Variants in GPR85 observed in about 807,000 individuals in gnomAD.
The protein encoded by GPR85 is probable G protein-coupled receptor 85.
GPR85 carries 7 observed loss-of-function variants against 21.3 expected under a neutral mutation model. The ratio of observed to expected loss-of-function variants is 0.33; its 90% CI spans 0.19 to 0.62. The LOEUF is 0.62. Ranked by LOEUF, GPR85 falls within the 20% of genes least tolerant of loss-of-function variation. The pLI, the probability that GPR85 is intolerant of heterozygous loss-of-function variation, is 0.80. For synonymous variants in GPR85, 167 were observed against 166.1 expected (o/e 1.01, Z -0.04); for missense variants, 299 against 443.8 (o/e 0.67, Z 2.93).
At position 113,084,554 on chromosome 7, in the gene GPR85, G is replaced by T; in HGVS notation, c.168C>A (p.Tyr56Ter). Residue 56 changes from tyrosine (Y) to a stop codon, truncating the protein, a stop_gained, in exon 3 of 3, where the codon TAC (tyrosine) becomes TAA (stop). Coordinates refer to ENST00000424100, the MANE Select transcript of GPR85 (RefSeq NM_001146267.2). LOFTEE classifies it high-confidence loss of function. ...AACAGCAAAGATCCAACAGGAAGTA[G>T]TAAGGTGCTCTATGCAAGGTCTTAT... ...VKDKTLHRAP[Y>*]YFLLDLCCSD... is the part of the protein sequence containing the mutation. 1 of 1,613,208 alleles carries T rather than the reference G, an allele frequency of 6.2e-7. No individual in the cohort carries two copies. The highest frequency in any genetic ancestry group is 8.5e-7 in the Non-Finnish European group (1 of 1,179,154).
rs1194790245 is a variant in GPR85 at position 113,084,865 on chromosome 7, C to T, written c.-144G>A. 22 of 388,046 alleles carry T rather than the reference C, an allele frequency of 5.7e-5. No individual in the cohort carries two copies. Among genetic ancestry groups the T allele is most frequent in the Admixed American group, 9.2e-5 (2 of 21,810 alleles). The allele number at this position is 388,046 out of a possible 1,614,324, so 24.0% of individuals were successfully genotyped here. ...GATCTGCAGTCATGCTTCCTCTTTT[C>T]TTCCACTTGTTTTGCCATCAGAATA... On this transcript the variant is annotated 5_prime_UTR_variant, in exon 3 of 3. Coordinates refer to ENST00000424100, the MANE Select transcript of GPR85 (RefSeq NM_001146267.2).
At position 113,083,720 on chromosome 7, in the gene GPR85, G is replaced by T; in HGVS notation, c.1002C>A (p.Ile334=). ...TTGAGAAAATGCAGACAAAAGGATT[G>T]ATTCCTGCTTGGGCAAAACTCATCC... ...AVWMSFAQAG[I]NPFVCIFSNR... is the part of the protein sequence containing the mutation. Residue 334 remains isoleucine, a synonymous_variant, in exon 3 of 3, where the codon ATC becomes ATA. Coordinates refer to ENST00000424100, the MANE Select transcript of GPR85 (RefSeq NM_001146267.2). The surrounding 1 kb of genome is among the most constrained non-coding windows in gnomAD (Gnocchi z 4.4). 1 of 1,614,188 alleles carries T rather than the reference G, an allele frequency of 6.2e-7. No individual in the cohort carries two copies. The highest frequency in any genetic ancestry group is 1.1e-5 in the South Asian group (1 of 91,080).
At position 113,082,607 on chromosome 7, in the gene GPR85, G is replaced by A. The variant is rs1794167074; in HGVS notation, c.*1002C>T. On this transcript the variant is annotated 3_prime_UTR_variant, in exon 3 of 3. Transcript: ENST00000424100. ...TTAGAAAGGGTAGCACACCGTAGAA[G>A]AAAATCTCATTATTTCAGTGATGTG... 6.6e-6 allele frequency: 1 copy of A among 152,418 alleles called. No homozygotes were observed. The highest frequency in any genetic ancestry group is 1.9e-4 in the East Asian group (1 of 5,188). The allele number at this position is 152,418 out of a possible 1,614,324, so 9.4% of individuals were successfully genotyped here.
chr7:113,084,597 G>C lies in GPR85; in HGVS notation c.125C>G (p.Ser42Cys). 3 of 1,613,894 alleles carry C rather than the reference G, an allele frequency of 1.9e-6. No homozygotes were observed. The highest frequency in any genetic ancestry group is 2.5e-6 in the Non-Finnish European group (3 of 1,179,800). ...GGTCTTATCTTTCACTAGCAAAATG[G>C]AGATCAGGAGGTTGCCCACCACGCT... Reference protein sequence around the residue: ...GVSVVGNLLISILLVKDKTLH... With the variant: ...GVSVVGNLLICILLVKDKTLH... The change falls in exon 3 of 3, where the codon TCC becomes TGC. Residue 42 changes from serine to cysteine, a missense_variant. By Grantham distance (112) the Ser-to-Cys change is moderately radical. Coordinates refer to ENST00000424100, the MANE Select transcript of GPR85 (RefSeq NM_001146267.2).
rs1392564454 is a variant in GPR85 at position 113,082,741 on chromosome 7, T to A, written c.*868A>T. ...AGTTACTGATTTGATTTCCCTTGGC[T>A]ATTTGCTCCAGTGCTAAATAAGATG... On this transcript the variant is annotated 3_prime_UTR_variant, in exon 3 of 3. Transcript: ENST00000424100. 6.6e-6 allele frequency: 1 copy of A among 152,402 alleles called. No homozygotes were observed. The highest frequency in any genetic ancestry group is 2.4e-5 in the African/African-American group (1 of 41,364). 9.4% of individuals were successfully genotyped at this position (152,402 alleles called of 1,614,324 possible).
Position 113,084,102 on chromosome 7 carries a change from A to G in GPR85, c.620T>C (p.Phe207Ser). 6.2e-7 allele frequency: 1 copy of G among 1,614,188 alleles called. No individual in the cohort carries two copies. Reference protein sequence around the residue: ...ATQLVYLKLIFFVHDRRKMKP... With the variant: ...ATQLVYLKLISFVHDRRKMKP... ...CATTTTTCTTCGATCGTGGACGAAA[A>G]ATATCAGCTTGAGGTAGACAAGCTG... The change falls in exon 3 of 3, where the codon TTT becomes TCT. Residue 207 changes from phenylalanine to serine, a missense_variant. Around this residue, in one of 2 missense-constraint regions of GPR85, gnomAD observed 198 missense variants for 335.4 expected, o/e 0.59. Coordinates refer to ENST00000424100, the MANE Select transcript of GPR85 (RefSeq NM_001146267.2).
At position 113,084,907 on chromosome 7, in the gene GPR85, A is replaced by AC. The variant is rs1479634399; in HGVS notation, c.-170-17_-170-16insG. ...ATCAGAATATCTGAAAAAAAAAAAA[A>AC]AAAAAACCTATCAGTTCTTAAGTTA... is the stretch of plus-strand genomic sequence containing the variant. On this transcript the variant is annotated splice_polypyrimidine_tract_variant and intron_variant, in intron 2 of 2. Coordinates refer to ENST00000424100, the MANE Select transcript of GPR85 (RefSeq NM_001146267.2). The AC allele has an allele frequency of 9.8e-5, 53 of 539,412 alleles. No homozygotes were observed. In the Admixed American group the frequency reaches 1.0e-3, roughly 10 times the overall value. The allele number at this position is 539,412 out of a possible 1,614,324, so 33.4% of individuals were successfully genotyped here.
chr7:113,085,455 T>C (rs1366883165), intron 2 of GPR85, among the ~76,000 whole-genome samples: 1 of 152,240 alleles, frequency 6.6e-6, no homozygotes, highest in Non-Finnish European at 1.5e-5. Context: ...TGTGATTTAA[T>C]CATTTGTCTT....
chr7:113,083,861 G>C lies in GPR85; in HGVS notation c.861C>G (p.Phe287Leu). 1 of 1,614,168 alleles carries C rather than the reference G, an allele frequency of 6.2e-7. No homozygotes were observed. Residue 287 changes from phenylalanine (F) to leucine (L), a missense_variant, in exon 3 of 3, where the codon TTC becomes TTG. Physicochemically the swap from Phe to Leu is conservative, Grantham distance 22. Transcript: ENST00000424100. The surrounding 1 kb of genome is among the most constrained non-coding windows in gnomAD (Gnocchi z 4.4). ...FKMEKRISRM[F>L]YIMTFLFLTL... ...TTAGAAACAGAAAAGTCATTATATA[G>C]AACATTCTGCTGATTCTTTTCTCCA...
At position 113,085,994 on chromosome 7, in the gene GPR85, G is replaced by C. The variant is rs1353811677; in HGVS notation, c.-173C>G. The C allele has an allele frequency of 3.9e-5, 6 of 152,620 alleles. No individual in the cohort carries two copies. Among genetic ancestry groups the C allele is most frequent in the Admixed American group, 6.5e-5 (1 of 15,272 alleles). The allele number at this position is 152,620 out of a possible 1,614,324, so 9.5% of individuals were successfully genotyped here. A position where few individuals can be genotyped will look rare whatever the true frequency, so the allele number is the denominator to read the frequency against. On this transcript the variant is annotated splice_region_variant and 5_prime_UTR_variant, in exon 2 of 3. Coordinates refer to ENST00000424100, the MANE Select transcript of GPR85 (RefSeq NM_001146267.2). ...GGAGAGAGACATGCATTACATACGC[G>C]AAGATGGGGAGAGAGATTGCTTCTG...
rs1794209301 is a variant in GPR85 at position 113,084,147 on chromosome 7, G to A, written c.575C>T (p.Ala192Val). The change falls in exon 3 of 3, where the codon GCT (alanine) becomes GTT (valine). Residue 192 changes from alanine (A) to valine (V), a missense_variant. Around this residue, in one of 2 missense-constraint regions of GPR85, gnomAD observed 198 missense variants for 335.4 expected, o/e 0.59. Coordinates refer to ENST00000424100, the MANE Select transcript of GPR85 (RefSeq NM_001146267.2). ...NDSLGFMLLL[A>V]LILLATQLVY... Reference sequence around the variant, plus strand: ...AAGCTGTGTGGCTAGGAGGATGAGAGCAAGAAGCAGCATAAATCCTAAGGA... The same window carrying A: ...AAGCTGTGTGGCTAGGAGGATGAGAACAAGAAGCAGCATAAATCCTAAGGA... 1 of 1,614,114 alleles carries A rather than the reference G, an allele frequency of 6.2e-7. No homozygotes were observed. The highest frequency in any genetic ancestry group is 2.2e-5 in the East Asian group (1 of 44,876).
At chr7:113,087,220 A>G (rs1184023946), upstream of GPR85, among the ~76,000 whole-genome samples, 1 of 152,102 alleles carries the variant, frequency 6.6e-6, no homozygotes, top group African/African-American at 2.4e-5. Context: ...CATTCAGTCT[A>G]CCTTAAAGGA....
At position 113,086,431 on chromosome 7, in the gene GPR85, T is replaced by TTTTTTTTTTTTTTTTTTTTTTTTTTTTTG. The variant is rs1414402156; in HGVS notation, c.-399_-398insCAAAAAAAAAAAAAAAAAAAAAAAAAAAA. 2 of 108,236 alleles carry TTTTTTTTTTTTTTTTTTTTTTTTTTTTTG rather than the reference T, an allele frequency of 1.8e-5. No individual in the cohort carries two copies. Among genetic ancestry groups the TTTTTTTTTTTTTTTTTTTTTTTTTTTTTG allele is most frequent in the African/African-American group, 3.6e-5 (1 of 27,648 alleles). 6.7% of individuals were successfully genotyped at this position (108,236 alleles called of 1,614,324 possible). On this transcript the variant is annotated 5_prime_UTR_variant, in exon 1 of 3. An upstream open reading frame in the 5' UTR loses its in-frame stop. Transcript: ENST00000424100. The stretch of plus-strand genomic sequence containing the variant: ...TTTTTTTTTTTGTTTTTTGTTTTTT[T>TTTTTTTTTTTTTTTTTTTTTTTTTTTTTG]TTTTTTTTTTTTTGCCTTAGTGCCT...
At position 113,086,396 on chromosome 7, in the gene GPR85, C is replaced by CTTTTTTTTTTTTTTTTTTGTTTTTTTTTT. The variant is rs1794283693; in HGVS notation, c.-364_-363insAAAAAAAAAACAAAAAAAAAAAAAAAAAA. Reference sequence around the variant, plus strand: ...CTGATTTTTTTCTTTTTTTCTTTTTCTTTTTTTTTTTTTTTTTTTTGTTTT... The same window carrying CTTTTTTTTTTTTTTTTTTGTTTTTTTTTT: ...CTGATTTTTTTCTTTTTTTCTTTTTCTTTTTTTTTTTTTTTTTTGTTTTTTTTTTTTTTTTTTTTTTTTTTTTTTGTTTT... On this transcript the variant is annotated 5_prime_UTR_variant, in exon 1 of 3. The change abolishes the stop of an existing upstream ORF in the 5' untranslated region. Transcript: ENST00000424100. 8.3e-5 allele frequency: 4 copies of CTTTTTTTTTTTTTTTTTTGTTTTTTTTTT among 48,070 alleles called. No homozygotes were observed. Among genetic ancestry groups the CTTTTTTTTTTTTTTTTTTGTTTTTTTTTT allele is most frequent in the Non-Finnish European group, 1.1e-4 (3 of 28,128 alleles). 3.0% of individuals were successfully genotyped at this position (48,070 alleles called of 1,614,324 possible).
chr7:113,084,506 A>G lies in GPR85; in HGVS notation c.216T>C (p.Ile72=). The change falls in exon 3 of 3, where the codon ATT becomes ATC. Residue 72 remains isoleucine (I), a synonymous_variant. Transcript: ENST00000424100. ...LCCSDILRSA[I]CFPFVFNSVK... ...CAGAGTTGAACACAAATGGGAAACA[A>G]ATTGCAGATCTGAGGATATCTGAAC... 3 of 1,613,654 alleles carry G rather than the reference A, an allele frequency of 1.9e-6. No individual in the cohort carries two copies. The highest frequency in any genetic ancestry group is 2.5e-6 in the Non-Finnish European group (3 of 1,179,544).
chr7:113,086,406 T>TTTTTTTTG lies in GPR85; in HGVS notation c.-374_-373insCAAAAAAA, dbSNP rs1794291148. The TTTTTTTTG allele has an allele frequency of 9.4e-5, 9 of 95,686 alleles. 1 individual carries two copies. Among genetic ancestry groups the TTTTTTTTG allele is most frequent in the South Asian group, 3.4e-4 (1 of 2,956 alleles). 5.9% of individuals were successfully genotyped at this position (95,686 alleles called of 1,614,324 possible). On this transcript the variant is annotated 5_prime_UTR_variant, in exon 1 of 3. The change abolishes the stop of an existing upstream ORF in the 5' untranslated region. Transcript: ENST00000424100. ...TCTTTTTTTCTTTTTCTTTTTTTTT[T>TTTTTTTTG]TTTTTTTTTTGTTTTTTGTTTTTTT...
In GPR85 at chr7:113,086,425, T is replaced by TTTTTTTTTTTTTTTTTTTTTTTTTTG. The variant is rs1399022984; in HGVS notation, c.-393_-392insCAAAAAAAAAAAAAAAAAAAAAAAAA. ...TTTTTTTTTTTTTTTTTGTTTTTTG[T>TTTTTTTTTTTTTTTTTTTTTTTTTTG]TTTTTTTTTTTTTTTTTTTGCCTTA... On this transcript the variant is annotated 5_prime_UTR_variant, in exon 1 of 3. An upstream open reading frame in the 5' UTR loses its in-frame stop. Transcript: ENST00000424100. 1 of 62,888 alleles carries TTTTTTTTTTTTTTTTTTTTTTTTTTG rather than the reference T, an allele frequency of 1.6e-5. No homozygotes were observed. Among genetic ancestry groups the TTTTTTTTTTTTTTTTTTTTTTTTTTG allele is most frequent in the African/African-American group, 8.1e-5 (1 of 12,284 alleles). 3.9% of individuals were successfully genotyped at this position (62,888 alleles called of 1,614,324 possible).
chr7:113,084,893 T>TTAA lies in GPR85; in HGVS notation c.-170-3_-170-2insTTA. 4 of 277,988 alleles carry TTAA rather than the reference T, an allele frequency of 1.4e-5. No homozygotes were observed. The highest frequency in any genetic ancestry group is 5.7e-5 in the East Asian group (1 of 17,486). 17.2% of individuals were successfully genotyped at this position (277,988 alleles called of 1,614,324 possible). On this transcript the variant is annotated splice_region_variant and splice_polypyrimidine_tract_variant and intron_variant, in intron 2 of 2. Coordinates refer to ENST00000424100, the MANE Select transcript of GPR85 (RefSeq NM_001146267.2). ...CCACTTGTTTTGCCATCAGAATATCTGAAAAAAAAAAAAAAAAAAACCTAT... is the reference window on the plus strand; with the variant it reads ...CCACTTGTTTTGCCATCAGAATATCTTAAGAAAAAAAAAAAAAAAAAAACCTAT...
chr7:113,082,688 A>G lies in GPR85; in HGVS notation c.*921T>C, dbSNP rs970050045. The G allele has an allele frequency of 1.3e-5, 2 of 152,556 alleles. No individual in the cohort carries two copies. The highest frequency in any genetic ancestry group is 2.9e-5 in the Non-Finnish European group (2 of 68,028). 9.5% of individuals were successfully genotyped at this position (152,556 alleles called of 1,614,324 possible). ...AGGAAAAAGTAATAAATGATCTTCCATGCACTTTTAGATGCATGACCATGA... is the reference window on the plus strand; with the variant it reads ...AGGAAAAAGTAATAAATGATCTTCCGTGCACTTTTAGATGCATGACCATGA... On this transcript the variant is annotated 3_prime_UTR_variant, in exon 3 of 3. Coordinates refer to ENST00000424100, the MANE Select transcript of GPR85 (RefSeq NM_001146267.2).
Sources: allele counts gnomAD v4.1 joint callset (sites outside exome capture counted in the v4.1 genomes callset), GRCh38; gene constraint gnomAD v4.1.1; regional missense constraint gnomAD v4.1.1; non-coding constraint Gnocchi (gnomAD v3.1); transcripts MANE v1.5; gene names NCBI Gene and HGNC (gene_info 2026-07-23, HGNC 2026-07-21).